The following GABRA3 variants were observed in gnomAD, a reference collection of about 807,000 sequenced individuals.
GABRA3 encodes gamma-aminobutyric acid receptor subunit alpha-3.
GABRA3 carries 10 observed loss-of-function variants against 30.1 expected under a neutral mutation model. That is an observed-to-expected ratio of 0.33 (90% CI 0.20 to 0.56). The LOEUF is 0.56. GABRA3 is among the 20% of genes least tolerant of loss of function. The pLI, the probability that GABRA3 is intolerant of heterozygous loss-of-function variation, is 0.89. For missense variants in GABRA3, 233 were observed against 392.0 expected (o/e 0.59, Z 3.42); for synonymous variants, 151 against 146.8 (o/e 1.03, Z -0.21).
At chrX:152,386,273 C>A (rs1311087165) in intron 1 of GABRA3, among the ~76,000 whole-genome samples, 1 of 109,480 alleles carries the variant, frequency 9.1e-6, no homozygotes, top group Non-Finnish European at 1.9e-5. Context: ...TTTCGTTGAG[C>A]AGTGGTTTGT....
Position 152,370,008 on chromosome X carries a change from G to C in GABRA3, c.-26-5412C>G, listed in dbSNP as rs186096715. ...GCACTACCAAATACTAGTTGTGTTA[G>C]GCTTTAATGACCTACTTCTTCAATA... On this transcript the variant is annotated intron_variant, in intron 1 of 9. Transcript: ENST00000370314. 3.2e-4 allele frequency among the ~76,000 whole-genome samples: 36 copies of C among 111,349 alleles called. 1 individual carries two copies. The East Asian group carries it at 9.4e-3, about 29-fold the overall frequency.
chrX:152,336,039 T>C (rs1304294100), intron 3 of GABRA3, among the ~76,000 whole-genome samples: 2 of 111,320 alleles, frequency 1.8e-5, no homozygotes, highest in East Asian at 2.8e-4. Flanking sequence ...TTTTTTGAAG[T>C]ATATTTTCTT....
chrX:152,276,501 A>T (rs923411332), intron 4 of GABRA3, among the ~76,000 whole-genome samples: 1 of 111,755 alleles, frequency 8.9e-6, no homozygotes, highest in African/African-American at 3.2e-5. Flanking sequence ...ACAAACCACA[A>T]ATTTTATCTT....
chrX:152,448,233 A>T (rs1331176928), intron 1 of GABRA3, among the ~76,000 whole-genome samples: 1 of 112,102 alleles, frequency 8.9e-6, no homozygotes, highest in African/African-American at 3.2e-5. Context: ...ATAGATTGCT[A>T]AAATGCAAAA....
chrX:152,303,410 C>T (rs1250581484), intron 3 of GABRA3, among the ~76,000 whole-genome samples: 1 of 111,338 alleles, frequency 9.0e-6, no homozygotes. Context: ...TGTGGTGATT[C>T]CTCAAGGATC....
chrX:152,334,542 TG>T (rs774960337), intron 3 of GABRA3, among the ~76,000 whole-genome samples: 11 of 111,233 alleles, frequency 9.9e-5, no homozygotes, highest in Non-Finnish European at 1.9e-4. Context: ...CTCAGTGAAA[TG>T]GAAATTTATT....
chrX:152,334,191 C>G (rs1402128895), intron 3 of GABRA3, among the ~76,000 whole-genome samples: 1 of 111,512 alleles, frequency 9.0e-6, no homozygotes, highest in East Asian at 2.8e-4. Flanking sequence ...TTTTAGCAAA[C>G]TAGGAGTAGA....
chrX:152,244,449 G>C (rs957677430), intron 5 of GABRA3, among the ~76,000 whole-genome samples: 6 of 112,013 alleles, frequency 5.4e-5, no homozygotes, highest in Non-Finnish European at 1.1e-4. Flanking sequence ...GAAAATGTTA[G>C]TCTCTTCTGC....
chrX:152,335,589 A>G (rs1462763133), intron 3 of GABRA3, among the ~76,000 whole-genome samples: 2 of 112,257 alleles, frequency 1.8e-5, no homozygotes, highest in Non-Finnish European at 3.8e-5. Context: ...CACCTCTGCA[A>G]CTATTAAAAC....
At chrX:152,331,374 G>A (rs1229779000) in intron 3 of GABRA3, among the ~76,000 whole-genome samples, 1 of 110,649 alleles carries the variant, frequency 9.0e-6, no homozygotes, top group Admixed American at 9.7e-5. Context: ...AAGAGAGGCT[G>A]GTTGGGAAAA....
At chrX:152,294,862 T>G (rs1202329824) in intron 3 of GABRA3, among the ~76,000 whole-genome samples, 4 of 110,723 alleles carry the variant, frequency 3.6e-5, no homozygotes, top group Admixed American at 9.6e-5. Flanking sequence ...TTCTCTTTGT[T>G]AGTTTTCCTT....
At chrX:152,203,174 T>A (rs12012215) in intron 7 of GABRA3, among the ~76,000 whole-genome samples, 4,236 of 111,353 alleles carry the variant, frequency 0.038, 244 homozygotes, top group East Asian at 0.32. Context: ...TAGGGACATT[T>A]CCTGCAGATC....
chrX:152,338,434 C>G (rs1940266480), intron 3 of GABRA3, among the ~76,000 whole-genome samples: 1 of 111,766 alleles, frequency 8.9e-6, no homozygotes, highest in South Asian at 3.7e-4. Context: ...AGTTGTTAAT[C>G]TCTTGTCAGA....
At chrX:152,296,088 G>A (rs1240412934) in intron 3 of GABRA3, among the ~76,000 whole-genome samples, 1 of 112,292 alleles carries the variant, frequency 8.9e-6, no homozygotes, top group Non-Finnish European at 1.9e-5. Flanking sequence ...GAGGTTTTGA[G>A]GATTTGGGCT....
rs149604448 is a variant in GABRA3, at chrX:152,173,419, T to C, written c.1144-4856A>G. Among the ~76,000 whole-genome samples the C allele has an allele frequency of 4.5e-3, 500 of 110,949 alleles. 1 individual carries two copies. Among genetic ancestry groups the C allele is most frequent in the Non-Finnish European group, 7.7e-3 (406 of 52,965 alleles). On this transcript the variant is annotated intron_variant, in intron 9 of 9. Transcript: ENST00000370314. ...TTCCCCATGAGGAAGGTTAAATAAA[T>C]AGCAAAGATTTAAACTAGAATATAT...
In GABRA3 at chrX:152,223,825, C is replaced by T. The variant is rs184917430; in HGVS notation, c.634+938G>A. 2.0e-3 allele frequency among the ~76,000 whole-genome samples: 224 copies of T among 110,503 alleles called. 2 individuals carry two copies. Among genetic ancestry groups the T allele is most frequent in the African/African-American group, 7.2e-3 (218 of 30,466 alleles). On this transcript the variant is annotated intron_variant, in intron 6 of 9. Transcript: ENST00000370314. ...AATTCTGCAGTACTTTTATGTTTTC[C>T]CATGTTGCTTCTCATATTACAACAT... is the stretch of plus-strand genomic sequence containing the variant.
At chrX:152,293,550 C>T (rs1939464528) in intron 3 of GABRA3, among the ~76,000 whole-genome samples, 1 of 111,060 alleles carries the variant, frequency 9.0e-6, no homozygotes, top group South Asian at 3.8e-4. Flanking sequence ...GCGTTTAGTC[C>T]ATTTACAATT....
At chrX:152,186,332 T>A (rs986165651) in intron 9 of GABRA3, among the ~76,000 whole-genome samples, 2 of 110,563 alleles carry the variant, frequency 1.8e-5, no homozygotes, top group East Asian at 5.7e-4. Context: ...TTCTCCCGTC[T>A]CAGCCTCCCA....
At chrX:152,412,664 T>C (rs1412337214) in intron 1 of GABRA3, among the ~76,000 whole-genome samples, 1 of 111,146 alleles carries the variant, frequency 9.0e-6, no homozygotes, top group Non-Finnish European at 1.9e-5. Flanking sequence ...GGTAAATCCA[T>C]AGAGACAAAA....
Sources: gnomAD v4.1 joint callset for allele counts (sites outside exome capture counted in the v4.1 genomes callset) on GRCh38, gnomAD v4.1.1 for gene constraint, MANE v1.5 for transcripts, NCBI Gene and HGNC (gene_info 2026-07-23, HGNC 2026-07-21) for gene names.